Variants in TNFSF8 observed in about 807,000 individuals in gnomAD.
TNFSF8 encodes the protein TNF superfamily member 8, also known as tumor necrosis factor ligand superfamily member 8.
A neutral mutation model predicts 22.0 loss-of-function variants in TNFSF8; 4 were observed. The observed-to-expected ratio is 0.18, with a 90% confidence interval of 0.09 to 0.42. TNFSF8 has a LOEUF of 0.42. Ranked by LOEUF, TNFSF8 falls within the 10% of genes least tolerant of loss-of-function variation. The pLI, the probability that TNFSF8 is intolerant of heterozygous loss-of-function variation, is 1.00. For synonymous variants in TNFSF8, 106 were observed against 112.5 expected, an observed-to-expected ratio of 0.94 and a Z score of 0.37; for missense variants, 233 against 281.8, an observed-to-expected ratio of 0.83 and a Z score of 1.24.
downstream of TNFSF8, among the ~76,000 whole-genome samples, chr9:114,896,853 A>G (rs1827660437): frequency 6.6e-6 from 1 of 151,898 alleles, no homozygotes; most frequent in Non-Finnish European, 1.5e-5. Context: ...TAAAAATTTC[A>G]CCTTTCTCTA....
At chr9:114,895,275 C>G (rs987213694) in intron 4 of TNFSF8, among the ~76,000 whole-genome samples, 1 of 152,170 alleles carries the variant, frequency 6.6e-6, no homozygotes, top group African/African-American at 2.4e-5. Flanking sequence ...ATGGATTCTT[C>G]TTGTCTTCTA....
downstream of TNFSF8, among the ~76,000 whole-genome samples, chr9:114,899,127 A>G (rs891367839): frequency 6.6e-6 from 1 of 152,168 alleles, no homozygotes; most frequent in Non-Finnish European, 1.5e-5. Flanking sequence ...ACACCTCCAC[A>G]GCTGTCCTTG....
At chr9:114,910,571 A>C (rs1291385207) in intron 2 of TNFSF8, among the ~76,000 whole-genome samples, 1 of 152,216 alleles carries the variant, frequency 6.6e-6, no homozygotes, top group African/African-American at 2.4e-5. Flanking sequence ...CACTACAGAC[A>C]CTGGAACTGA....
intron 2 of TNFSF8, among the ~76,000 whole-genome samples, chr9:114,908,735 T>C (rs1827815522): frequency 6.6e-6 from 1 of 152,210 alleles, no homozygotes; most frequent in African/African-American, 2.4e-5. Flanking sequence ...ATCATTTAGA[T>C]GGTTTCTAGC....
chr9:114,914,124 G>T (rs1165268675), intron 2 of TNFSF8, among the ~76,000 whole-genome samples: 1 of 152,156 alleles, frequency 6.6e-6, no homozygotes, highest in East Asian at 1.9e-4. Flanking sequence ...GAGGGGAAAT[G>T]GGAGAAGGAC....
chr9:114,893,530 T>G (rs1827625966), exon 5 of TNFSF8: 2 of 157,020 alleles, frequency 1.3e-5, no homozygotes, highest in Non-Finnish European at 2.8e-5. Flanking sequence ...AGAATAGTGG[T>G]GTAAACTTTA....
At chr9:114,893,752 G>T (rs111544489) in exon 5 of TNFSF8, 12 of 244,580 alleles carry the variant, frequency 4.9e-5, no homozygotes, top group African/African-American at 2.5e-4. Context: ...AGCCTGAGAG[G>T]TGGGAGTGGG....
rs989477519 is a variant in TNFSF8 at position 114,902,555 on chromosome 9, A to G, written c.*1376T>C. On this transcript the variant is annotated 3_prime_UTR_variant, in exon 4 of 4. Coordinates refer to ENST00000223795, the MANE Select transcript of TNFSF8 (RefSeq NM_001244.4). ...GATGGTCAGTGTGGTAGTTCTTTCC[A>G]TTACATCCTTGAGATCCTGCTGTTC... 8.1e-6 allele frequency: 8 copies of G among 985,264 alleles called. No individual in the cohort carries two copies. In the African/African-American group the frequency reaches 1.2e-4, roughly 15 times the overall value. 61.0% of individuals were successfully genotyped at this position (985,264 alleles called of 1,614,324 possible).
At chr9:114,919,938 C>T (rs1369908535) in intron 1 of TNFSF8, among the ~76,000 whole-genome samples, 2 of 152,200 alleles carry the variant, frequency 1.3e-5, no homozygotes, top group Non-Finnish European at 1.5e-5. Context: ...GGGAAGTCAG[C>T]TTAAACATTT....
At chr9:114,894,232 G>A in intron 4 of TNFSF8, 1 of 1,365,038 alleles carries the variant, frequency 7.3e-7, no homozygotes, top group Non-Finnish European at 1.0e-6. Context: ...TGACGTTGTT[G>A]TTACTCAGAA....
chr9:114,923,522 CTTTT>C (rs1554778310), intron 1 of TNFSF8, among the ~76,000 whole-genome samples: 2 of 89,746 alleles, frequency 2.2e-5, no homozygotes, highest in East Asian at 9.6e-4. Context: ...TTCTTTCTTT[CTTTT>C]TTTTTTTTTG....
At position 114,903,672 on chromosome 9, in the gene TNFSF8, T is replaced by G. The variant is rs1827745762; in HGVS notation, c.*259A>C. 1.7e-6 allele frequency: 2 copies of G among 1,162,736 alleles called. No homozygotes were observed. The highest frequency in any genetic ancestry group is 6.7e-5 in the South Asian group (2 of 29,904). 72.0% of individuals were successfully genotyped at this position (1,162,736 alleles called of 1,614,324 possible). A position where few individuals can be genotyped will look rare whatever the true frequency, so the allele number is the denominator to read the frequency against. On this transcript the variant is annotated 3_prime_UTR_variant, in exon 4 of 4. Coordinates refer to ENST00000223795, the MANE Select transcript of TNFSF8 (RefSeq NM_001244.4). Reference sequence around the variant, plus strand: ...TTAGAGGTTGGGCTGGGACATCCATTCATCCCTTCTGATTCTGTGTGGGGC... The same window carrying G: ...TTAGAGGTTGGGCTGGGACATCCATGCATCCCTTCTGATTCTGTGTGGGGC...
At chr9:114,918,548 C>G (rs2131347366) in intron 1 of TNFSF8, among the ~76,000 whole-genome samples, 1 of 151,930 alleles carries the variant, frequency 6.6e-6, no homozygotes, top group South Asian at 2.1e-4. Context: ...CTCCTGAGTT[C>G]AAGCGATCCT....
intron 2 of TNFSF8, among the ~76,000 whole-genome samples, chr9:114,907,676 T>C (rs1827801258): frequency 1.3e-5 from 2 of 152,128 alleles, no homozygotes; most frequent in Non-Finnish European, 2.9e-5. Flanking sequence ...GTTCCAATAG[T>C]AATAATAACG....
intron 1 of TNFSF8, among the ~76,000 whole-genome samples, chr9:114,923,524 T>TTCTTTCTC (rs796199156): frequency 7.2e-6 from 1 of 139,034 alleles, no homozygotes; most frequent in Non-Finnish European, 1.6e-5. Context: ...CTTTCTTTCT[T>TTCTTTCTC]TTTTTTTTTT....
At chr9:114,905,528 G>A (rs1827773522) in intron 3 of TNFSF8, among the ~76,000 whole-genome samples, 1 of 152,168 alleles carries the variant, frequency 6.6e-6, no homozygotes, top group African/African-American at 2.4e-5. Context: ...GAGGGGTGAG[G>A]GGTGGGGCTG....
chr9:114,895,663 C>T (rs1461518901), intron 4 of TNFSF8, among the ~76,000 whole-genome samples: 7 of 152,152 alleles, frequency 4.6e-5, no homozygotes, highest in African/African-American at 1.7e-4. Flanking sequence ...GTTTGTTCTC[C>T]CAACAGCTTC....
At chr9:114,926,812 A>G (rs1465062577) in intron 1 of TNFSF8, among the ~76,000 whole-genome samples, 1 of 152,008 alleles carries the variant, frequency 6.6e-6, no homozygotes, top group Admixed American at 6.6e-5. Context: ...CTCCGTGAAG[A>G]GGGATTAGTG....
At chr9:114,927,016 T>G (rs1587941895) in intron 1 of TNFSF8, among the ~76,000 whole-genome samples, 1 of 137,082 alleles carries the variant, frequency 7.3e-6, no homozygotes, top group Admixed American at 7.2e-5. Context: ...TTTTATAATA[T>G]ATTTATAACA....
Sources: gnomAD v4.1 joint callset for allele counts (sites outside exome capture counted in the v4.1 genomes callset) on GRCh38, gnomAD v4.1.1 for gene constraint, MANE v1.5 for transcripts, NCBI Gene and HGNC (gene_info 2026-07-23, HGNC 2026-07-21) for gene names.